Variants in PCM1 observed in about 807,000 individuals in gnomAD.
PCM1 encodes the protein pericentriolar material 1 protein.
A neutral mutation model predicts 241.9 loss-of-function variants in PCM1; 157 were observed. The observed-to-expected ratio is 0.65, with a 90% CI of 0.57 to 0.74. The LOEUF (loss-of-function observed/expected upper bound fraction) is 0.74. PCM1 is among the 30% of genes least tolerant of loss of function. The pLI is 0.00. For synonymous variants in PCM1, 1,085 were observed against 784.9 expected (o/e 1.38, Z -6.39); for missense variants, 3,478 against 2,360.1 (o/e 1.47, Z -9.81).
At chr8:17,950,185 C>T (rs2065486784) in intron 7 of PCM1, among the ~76,000 whole-genome samples, 1 of 152,180 alleles carries the variant, frequency 6.6e-6, no homozygotes, top group African/African-American at 2.4e-5. Flanking sequence ...TTTACTATTT[C>T]AACCTTTAAG....
chr8:17,979,263 C>G (rs1028924892), intron 23 of PCM1, among the ~76,000 whole-genome samples: 1 of 152,080 alleles, frequency 6.6e-6, no homozygotes, highest in African/African-American at 2.4e-5. Context: ...TTCTGTCCCA[C>G]CATCATTATT....
chr8:17,938,940 T>C lies in PCM1; in HGVS notation c.543T>C (p.Asn181=). ...CKELFASALS[N]DLLQNCQVSE... is the part of the protein sequence containing the mutation. ...AGTTGTTTGCTTCTGCTTTAAGTAA[T>C]GACCTCTTGCAAAACTGTCAGGTGT... Residue 181 remains asparagine (N), a synonymous_variant, in exon 5 of 39, where the codon AAT becomes AAC. Coordinates refer to ENST00000325083, the MANE Select transcript of PCM1 (RefSeq NM_006197.4). 1 of 1,613,764 alleles carries C rather than the reference T, an allele frequency of 6.2e-7. No individual in the cohort carries two copies. Among genetic ancestry groups the C allele is most frequent in the South Asian group, 1.1e-5 (1 of 91,078 alleles).
At chr8:17,960,982 C>G (rs1265925753) in intron 15 of PCM1, among the ~76,000 whole-genome samples, 2 of 152,068 alleles carry the variant, frequency 1.3e-5, no homozygotes, top group African/African-American at 2.4e-5. Flanking sequence ...GCCATAGATT[C>G]AGAACATGTG....
At chr8:17,979,133 G>GA (rs57467397) in intron 23 of PCM1, among the ~76,000 whole-genome samples, 3,138 of 86,214 alleles carry the variant, frequency 0.036, 109 homozygotes, top group African/African-American at 0.1. Context: ...CAAAAGAAAA[G>GA]AAAAAAAAAA....
Position 17,964,717 on chromosome 8 carries a change from C to T in PCM1, c.2804C>T (p.Pro935Leu), listed in dbSNP as rs745548296. ...TCCAATGATAACTTTTCTGTGTGTC[C>T]TTCTAACAGTGTGAATCATAACTCC... ...ASSNDNFSVC[P>L]SNSVNHNSYN... The change falls in exon 18 of 39, where the codon CCT (proline) becomes CTT (leucine). Residue 935 changes from proline (P) to leucine (L), a missense_variant. By Grantham distance (98) the Pro-to-Leu change is moderately conservative. Transcript: ENST00000325083. 4.6e-5 allele frequency: 74 copies of T among 1,613,654 alleles called. No individual in the cohort carries two copies. In the Admixed American group the frequency reaches 1.0e-3, roughly 22 times the overall value.
intron 29 of PCM1, among the ~76,000 whole-genome samples, chr8:18,002,137 A>G (rs1322766688): frequency 2.1e-5 from 1 of 47,688 alleles, no homozygotes; most frequent in East Asian, 4.6e-4. Flanking sequence ...GGTTAGTTAC[A>G]TATGTATACA....
intron 13 of PCM1, among the ~76,000 whole-genome samples, chr8:17,958,442 C>T (rs1439273392): frequency 6.6e-6 from 1 of 151,868 alleles, no homozygotes; most frequent in Admixed American, 6.6e-5. Context: ...TATATTTATA[C>T]AAATGTAAAA....
chr8:18,018,961 TAA>T (rs34319333), intron 36 of PCM1, among the ~76,000 whole-genome samples: 110,720 of 145,586 alleles, frequency 0.76, 42,615 homozygotes, highest in Middle Eastern at 0.8. Context: ...GTTCAAGACT[TAA>T]ACATACAATA....
chr8:17,967,120 T>G lies in PCM1; in HGVS notation c.3362T>G (p.Val1121Gly). The change falls in exon 21 of 39, where the codon GTA (valine) becomes GGA (glycine). Residue 1121 changes from valine to glycine, a missense_variant. Physicochemically the swap from Val to Gly is moderately radical, Grantham distance 109. Transcript: ENST00000325083. ...CCTTTCAGCTTTCCAACACAGCCTG[T>G]AAATCTCTTCAATATACCTGGATTT... ...FCPFSFPTQP[V>G]NLFNIPGFTN... The G allele has an allele frequency of 6.2e-7, 1 of 1,606,570 alleles. No homozygotes were observed.
At position 18,027,898 on chromosome 8, in the gene PCM1, A is replaced by ATTTGAT. The variant is rs1554795720; in HGVS notation, c.*239_*240insGATTTT. The ATTTGAT allele has an allele frequency of 0.023, 8,605 of 374,282 alleles. 135 individuals are homozygous for ATTTGAT. Among genetic ancestry groups the ATTTGAT allele is most frequent in the Non-Finnish European group, 0.03 (6,400 of 211,622 alleles). 23.2% of individuals were successfully genotyped at this position (374,282 alleles called of 1,614,324 possible). On this transcript the variant is annotated 3_prime_UTR_variant, in exon 39 of 39. Transcript: ENST00000325083. Reference sequence around the variant, plus strand: ...TTTCCCCCTTCTTTTTTGGGTCTTCATTTTTTTCCCCATTGTGATGTTTGG... The same window carrying ATTTGAT: ...TTTCCCCCTTCTTTTTTGGGTCTTCATTTGATTTTTTTTCCCCATTGTGATGTTTGG...
intron 24 of PCM1, among the ~76,000 whole-genome samples, chr8:17,984,446 GTAAC>G: frequency 6.6e-6 from 1 of 151,850 alleles, no homozygotes; most frequent in South Asian, 2.1e-4. Context: ...TTTTATACCT[GTAAC>G]TGAGGCAAAA....
intron 7 of PCM1, among the ~76,000 whole-genome samples, chr8:17,950,030 G>C (rs1216248635): frequency 5.3e-5 from 8 of 152,160 alleles, no homozygotes; most frequent in African/African-American, 1.9e-4. Context: ...ACTATGGTCA[G>C]CTGAGTTTGG....
chr8:17,999,000 C>T (rs572517170), intron 29 of PCM1, among the ~76,000 whole-genome samples: 1 of 152,138 alleles, frequency 6.6e-6, no homozygotes, highest in Middle Eastern at 3.4e-3. Flanking sequence ...GCTTTTTAGT[C>T]AGCTTGTGGT....
chr8:17,981,742 G>A (rs959415303), intron 24 of PCM1, among the ~76,000 whole-genome samples: 6 of 151,782 alleles, frequency 4.0e-5, no homozygotes, highest in East Asian at 1.9e-4. Flanking sequence ...TCCATTTTTC[G>A]GAGGAAACAT....
chr8:17,980,401 G>A (rs952946265), intron 23 of PCM1, 190 bp from the exon 24 acceptor site: 2 of 431,478 alleles, frequency 4.6e-6, no homozygotes, highest in South Asian at 7.3e-5. Flanking sequence ...ATTTATTACT[G>A]TTAGCTCATG....
intron 36 of PCM1, among the ~76,000 whole-genome samples, chr8:18,018,137 C>A (rs1227451601): frequency 2.0e-5 from 3 of 152,188 alleles, no homozygotes; most frequent in Non-Finnish European, 4.4e-5. Flanking sequence ...GACAGTTGGA[C>A]TAATCTCAGA....
chr8:18,003,066 A>T (rs2129483590), intron 29 of PCM1, among the ~76,000 whole-genome samples: 1 of 152,310 alleles, frequency 6.6e-6, no homozygotes, highest in South Asian at 2.1e-4. Context: ...TTTGCTGAGT[A>T]AACCTCTGCC....
chr8:18,019,700 G>C (rs1241554809), intron 36 of PCM1, among the ~76,000 whole-genome samples: 1 of 151,972 alleles, frequency 6.6e-6, no homozygotes, highest in East Asian at 1.9e-4. Flanking sequence ...GCAGAGCTCA[G>C]GTGAGAATGT....
chr8:17,947,965 T>C (rs1387618500), intron 7 of PCM1, among the ~76,000 whole-genome samples: 4 of 152,240 alleles, frequency 2.6e-5, no homozygotes, highest in African/African-American at 7.2e-5. Flanking sequence ...TTTCTTAGTA[T>C]TGAGTCTAAT....
Sources: gnomAD v4.1 joint callset for allele counts (sites outside exome capture counted in the v4.1 genomes callset) on GRCh38, gnomAD v4.1.1 for gene constraint, MANE v1.5 for transcripts, NCBI Gene and HGNC (gene_info 2026-07-23, HGNC 2026-07-21) for gene names.